Variants in SLC24A3 observed in about 807,000 individuals in gnomAD.
SLC24A3 encodes sodium/potassium/calcium exchanger 3.
SLC24A3 carries 28 observed loss-of-function variants against 75.8 expected under a neutral mutation model. The observed-to-expected ratio is 0.37, with a 90% CI of 0.27 to 0.51. The LOEUF is 0.51. Ranked by LOEUF, SLC24A3 falls within the 20% of genes least tolerant of loss-of-function variation. The pLI, the probability that SLC24A3 is intolerant of heterozygous loss-of-function variation, is 0.94. For missense variants in SLC24A3, 663 were observed against 847.8 expected, an observed-to-expected ratio of 0.78 and a Z score of 2.71; for synonymous variants, 372 against 334.1, an observed-to-expected ratio of 1.11 and a Z score of -1.24.
intron 2 of SLC24A3, among the ~76,000 whole-genome samples, chr20:19,477,137 A>T (rs545798333): frequency 6.6e-6 from 1 of 152,056 alleles, no homozygotes; most frequent in Admixed American, 6.5e-5. Flanking sequence ...AGACTGGGAA[A>T]GGAAGTACTC....
At chr20:19,235,679 C>T (rs1179951963) in intron 1 of SLC24A3, among the ~76,000 whole-genome samples, 1 of 152,208 alleles carries the variant, frequency 6.6e-6, no homozygotes, top group Non-Finnish European at 1.5e-5. Flanking sequence ...AGACCCCAAC[C>T]CCTTCCTCCT....
At chr20:19,418,274 T>G (rs1354459621) in intron 2 of SLC24A3, among the ~76,000 whole-genome samples, 1 of 152,034 alleles carries the variant, frequency 6.6e-6, no homozygotes, top group Admixed American at 6.6e-5. Flanking sequence ...CTAGGAGAAG[T>G]TGTTGCACCC....
intron 15 of SLC24A3, among the ~76,000 whole-genome samples, chr20:19,716,343 C>T (rs2033046520): frequency 6.6e-6 from 1 of 151,804 alleles, no homozygotes; most frequent in Non-Finnish European, 1.5e-5. Flanking sequence ...TCTCTACCTG[C>T]TCTGCTTGAT....
At chr20:19,353,814 A>G (rs1985624488) in intron 2 of SLC24A3, among the ~76,000 whole-genome samples, 1 of 152,240 alleles carries the variant, frequency 6.6e-6, no homozygotes, top group Admixed American at 6.5e-5. Context: ...TTAAAAGCTG[A>G]CAATACCAAG....
At chr20:19,482,461 C>T (rs1988071033) in intron 2 of SLC24A3, among the ~76,000 whole-genome samples, 1 of 152,178 alleles carries the variant, frequency 6.6e-6, no homozygotes, top group African/African-American at 2.4e-5. Context: ...TTGCACAGGT[C>T]TTAGACTCTC....
intron 3 of SLC24A3, among the ~76,000 whole-genome samples, chr20:19,567,936 C>T (rs1486792709): frequency 1.3e-5 from 2 of 151,928 alleles, no homozygotes; most frequent in East Asian, 1.9e-4. Flanking sequence ...AAGCCAACAA[C>T]CAAAAAACAA....
intron 2 of SLC24A3, among the ~76,000 whole-genome samples, chr20:19,320,683 G>A (rs1397696351): frequency 1.3e-5 from 2 of 152,048 alleles, no homozygotes; most frequent in Non-Finnish European, 2.9e-5. Context: ...GCCAAAATCC[G>A]AGGGTGGGTG....
At chr20:19,578,332 C>CGTGTGTGTGTGCATGTGTGT (rs1389068218) in intron 3 of SLC24A3, among the ~76,000 whole-genome samples, 11 of 151,068 alleles carry the variant, frequency 7.3e-5, no homozygotes, top group African/African-American at 2.7e-4. Context: ...TGTATGCATG[C>CGTGTGTGTGTGCATGTGTGT]GTGTGTGTGT....
At chr20:19,232,266 G>T (rs1477274595) in intron 1 of SLC24A3, among the ~76,000 whole-genome samples, 1 of 152,138 alleles carries the variant, frequency 6.6e-6, no homozygotes, top group Non-Finnish European at 1.5e-5. Flanking sequence ...CATGCAACAT[G>T]TGACATTCTA....
intron 7 of SLC24A3, among the ~76,000 whole-genome samples, chr20:19,654,974 A>G (rs1020007684): frequency 6.6e-6 from 1 of 152,112 alleles, no homozygotes; most frequent in Non-Finnish European, 1.5e-5. Flanking sequence ...TGTTTTCCCC[A>G]GGACTTGCCT....
At chr20:19,342,093 C>A (rs532873475) in intron 2 of SLC24A3, among the ~76,000 whole-genome samples, 9 of 152,318 alleles carry the variant, frequency 5.9e-5, no homozygotes, top group African/African-American at 1.4e-4. Flanking sequence ...AGGTGGGGCA[C>A]CAACTTTGAT....
chr20:19,352,668 G>A (rs1048024790), intron 2 of SLC24A3, among the ~76,000 whole-genome samples: 1 of 152,136 alleles, frequency 6.6e-6, no homozygotes. Context: ...GCCCAAGTCC[G>A]CATTGAACCT....
chr20:19,427,515 G>A (rs530769974), intron 2 of SLC24A3, among the ~76,000 whole-genome samples: 1 of 152,218 alleles, frequency 6.6e-6, no homozygotes, highest in Admixed American at 6.5e-5. Context: ...TACCATTTGC[G>A]CTTTAGTGTT....
At chr20:19,281,195 C>A in intron 2 of SLC24A3, 108 bp downstream of exon 2, 1 of 1,500,412 alleles carries the variant, frequency 6.7e-7, no homozygotes, top group Non-Finnish European at 9.0e-7. Flanking sequence ...AGAAAGCCTC[C>A]AAAGATGTTT....
chr20:19,224,128 G>C (rs1981811681), intron 1 of SLC24A3, among the ~76,000 whole-genome samples: 1 of 137,504 alleles, frequency 7.3e-6, no homozygotes, highest in Non-Finnish European at 1.6e-5. Context: ...GTGAGTGTGT[G>C]TGTGTGTGTG....
intron 2 of SLC24A3, among the ~76,000 whole-genome samples, chr20:19,496,194 A>G (rs1298325450): frequency 6.6e-6 from 1 of 152,118 alleles, no homozygotes; most frequent in East Asian, 1.9e-4. Context: ...CTTCTCACTG[A>G]TGATTTCGCA....
At chr20:19,560,110 TTGATCCCCAGGAG>T (rs2030851325) in intron 3 of SLC24A3, among the ~76,000 whole-genome samples, 1 of 152,102 alleles carries the variant, frequency 6.6e-6, no homozygotes, top group African/African-American at 2.4e-5. Context: ...GGTAGTTTAT[TTGATCCCCAGGAG>T]TGATCCCCAG....
At chr20:19,276,311 G>T (rs536003335) in intron 1 of SLC24A3, among the ~76,000 whole-genome samples, 1 of 152,276 alleles carries the variant, frequency 6.6e-6, no homozygotes, top group African/African-American at 2.4e-5. Flanking sequence ...TTATTTCTTC[G>T]TTTGTGAACC....
In SLC24A3 at chr20:19,579,849, G is replaced by A. The variant is rs934714060; in HGVS notation, c.349-151G>A. On this transcript the variant is annotated intron_variant, in intron 3 of 16. Coordinates refer to ENST00000328041, the MANE Select transcript of SLC24A3 (RefSeq NM_020689.4). The stretch of plus-strand genomic sequence containing the variant: ...GAGAGAAAGCTGGGACCAGGTCACA[G>A]GAGAGTGTTGTGGGCATTGGAAAGA... 3.4e-5 allele frequency: 21 copies of A among 616,270 alleles called. No homozygotes were observed. The Admixed American group carries it at 5.8e-4, about 17-fold the overall frequency. The allele number at this position is 616,270 out of a possible 1,614,324, so 38.2% of individuals were successfully genotyped here.
Sources: allele counts gnomAD v4.1 joint callset (sites outside exome capture counted in the v4.1 genomes callset), GRCh38; gene constraint gnomAD v4.1.1; transcripts MANE v1.5; gene names NCBI Gene and HGNC (gene_info 2026-07-23, HGNC 2026-07-21).